The following NTRK2 variants were observed in gnomAD, a reference collection of about 807,000 sequenced individuals.
NTRK2 encodes BDNF/NT-3 growth factors receptor.
NTRK2 carries 13 observed loss-of-function variants against 94.5 expected under a neutral mutation model. That is an observed-to-expected ratio of 0.14 (90% CI 0.09 to 0.22). The LOEUF is 0.22. Ranked by LOEUF, NTRK2 falls within the 10% of genes least tolerant of loss-of-function variation. The pLI is 1.00. For synonymous variants in NTRK2, 372 were observed against 407.4 expected (o/e 0.91, Z 1.05); for missense variants, 639 against 1,071.2 (o/e 0.60, Z 5.63).
intron 14 of NTRK2, chr9:84,874,422 G>A: frequency 9.4e-7 from 1 of 1,065,794 alleles, no homozygotes; most frequent in Non-Finnish European, 1.1e-6. Context: ...GCCAGCCTGT[G>A]AGAGTAACCA....
At chr9:84,993,212 C>T (rs964420369) in intron 17 of NTRK2, among the ~76,000 whole-genome samples, 1 of 152,180 alleles carries the variant, frequency 6.6e-6, no homozygotes, top group Non-Finnish European at 1.5e-5. Context: ...TTCCCAAAGC[C>T]ATTTCCTCTA....
intron 13 of NTRK2, among the ~76,000 whole-genome samples, chr9:84,863,092 C>G (rs2075408963): frequency 6.6e-6 from 1 of 152,052 alleles, no homozygotes; most frequent in Admixed American, 6.6e-5. Flanking sequence ...TAGCACGGCC[C>G]CAGATGTCAA....
chr9:84,827,761 C>T (rs1332421026), intron 12 of NTRK2, among the ~76,000 whole-genome samples: 1 of 151,748 alleles, frequency 6.6e-6, no homozygotes, highest in Non-Finnish European at 1.5e-5. Context: ...TTGTCTATGT[C>T]CTCCTGGATT....
At chr9:84,977,845 A>G (rs1827086086) in intron 17 of NTRK2, among the ~76,000 whole-genome samples, 1 of 152,238 alleles carries the variant, frequency 6.6e-6, no homozygotes, top group Non-Finnish European at 1.5e-5. Context: ...TCTGTGTCAC[A>G]TTTTGGTAAC....
chr9:84,867,569 GC>G, intron 14 of NTRK2, 138 bp downstream of exon 14: 1 of 800,724 alleles, frequency 1.2e-6, no homozygotes, highest in Non-Finnish European at 2.2e-6. Flanking sequence ...GCAGCTTTTG[GC>G]CCAGGAATAG....
chr9:84,679,091 C>A (rs940925863), intron 2 of NTRK2, among the ~76,000 whole-genome samples: 2 of 152,118 alleles, frequency 1.3e-5, no homozygotes, highest in Non-Finnish European at 2.9e-5. Context: ...AGGAATGGGC[C>A]CTCACCAGAT....
intron 1 of NTRK2, 63 bp from the exon 2 acceptor site, chr9:84,670,314 G>C (rs942453826): frequency 1.4e-5 from 4 of 290,100 alleles, no homozygotes; most frequent in South Asian, 8.1e-5. Flanking sequence ...GAGAGGGAGA[G>C]TGCCCCAATT....
chr9:84,889,293 T>G (rs2076526844), intron 14 of NTRK2, among the ~76,000 whole-genome samples: 1 of 151,974 alleles, frequency 6.6e-6, no homozygotes, highest in Admixed American at 6.5e-5. Flanking sequence ...CCCGGCCCAA[T>G]GACAGCAATT....
At chr9:84,853,360 A>G (rs1480112796) in intron 12 of NTRK2, among the ~76,000 whole-genome samples, 4 of 152,202 alleles carry the variant, frequency 2.6e-5, no homozygotes, top group Non-Finnish European at 4.4e-5. Flanking sequence ...GAGGGCCCAC[A>G]TCTTCTGACA....
chr9:84,854,547 G>GA (rs1452776002), intron 12 of NTRK2, among the ~76,000 whole-genome samples: 1 of 152,092 alleles, frequency 6.6e-6, no homozygotes, highest in Non-Finnish European at 1.5e-5. Context: ...AGATGATAGA[G>GA]AGTGGAAAGG....
intron 18 of NTRK2, among the ~76,000 whole-genome samples, 180 bp from the exon 19 acceptor site, chr9:85,021,072 A>T (rs1832741882): frequency 6.6e-6 from 1 of 152,230 alleles, no homozygotes; most frequent in Admixed American, 6.5e-5. Context: ...GATATAAGCC[A>T]ATCAAAATAA....
intron 17 of NTRK2, among the ~76,000 whole-genome samples, chr9:84,978,793 G>A (rs1048795090): frequency 1.3e-5 from 2 of 152,240 alleles, no homozygotes; most frequent in South Asian, 4.1e-4. Flanking sequence ...GGCTAATGCA[G>A]CTGGTGACTT....
intron 17 of NTRK2, among the ~76,000 whole-genome samples, chr9:85,007,130 ACAGCT>A (rs1383541993): frequency 6.6e-6 from 1 of 152,272 alleles, no homozygotes. Flanking sequence ...ACCTCAGCTT[ACAGCT>A]GACTGGGGCT....
intron 11 of NTRK2, among the ~76,000 whole-genome samples, chr9:84,748,933 C>T (rs972541455): frequency 3.3e-5 from 5 of 152,198 alleles, no homozygotes; most frequent in East Asian, 3.9e-4. Flanking sequence ...GCTGCAGAGA[C>T]GGAGTTAGAT....
intron 12 of NTRK2, among the ~76,000 whole-genome samples, chr9:84,833,532 A>T (rs1393684576): frequency 6.6e-6 from 1 of 151,776 alleles, no homozygotes; most frequent in African/African-American, 2.4e-5. Flanking sequence ...ACTCTAGTAG[A>T]TACTAAGAAA....
chr9:84,674,783 T>C (rs531376528), intron 2 of NTRK2, among the ~76,000 whole-genome samples: 1 of 152,344 alleles, frequency 6.6e-6, no homozygotes, highest in Non-Finnish European at 1.5e-5. Flanking sequence ...GGAGTCTTTT[T>C]AGTTTCATAC....
rs538375647 is a variant in NTRK2, at chr9:84,722,642, A to G, written c.584-931A>G. On this transcript the variant is annotated intron_variant, in intron 6 of 18. Coordinates refer to ENST00000277120, the MANE Select transcript of NTRK2 (RefSeq NM_006180.6). ...CTAGCAGGTCCTGACATATTGTTAT[A>G]CCCTCTAAGACATGCCTACGTGTAA... Among the ~76,000 whole-genome samples, 24 of 152,196 alleles carry G rather than the reference A, an allele frequency of 1.6e-4. No individual in the cohort carries two copies. The East Asian group carries it at 3.9e-3, about 25-fold the overall frequency.
At chr9:84,877,163 T>A in intron 14 of NTRK2, 1 of 1,064,712 alleles carries the variant, frequency 9.4e-7, no homozygotes, top group Non-Finnish European at 1.1e-6. Flanking sequence ...ACATCCTGAG[T>A]TTTTAAGTAA....
At chr9:84,687,307 C>T (rs979862179) in intron 2 of NTRK2, among the ~76,000 whole-genome samples, 12 of 152,176 alleles carry the variant, frequency 7.9e-5, no homozygotes, top group Admixed American at 3.9e-4. Flanking sequence ...TCACGATAAG[C>T]CTAGGTGACC....
Sources: gnomAD v4.1 joint callset for allele counts (sites outside exome capture counted in the v4.1 genomes callset) on GRCh38, gnomAD v4.1.1 for gene constraint, MANE v1.5 for transcripts, NCBI Gene and HGNC (gene_info 2026-07-23, HGNC 2026-07-21) for gene names.